The following SYT16 variants were observed in gnomAD, a reference collection of about 807,000 sequenced individuals.
SYT16 encodes the protein synaptotagmin 16, also known as synaptotagmin-16.
Under a neutral mutation model 61.4 loss-of-function variants are expected in SYT16, and 42 were observed. The observed-to-expected ratio is 0.68, with a 90% CI of 0.53 to 0.89. The LOEUF (loss-of-function observed/expected upper bound fraction) is 0.89. Among genes scored for constraint, SYT16 ranks in the 40% least tolerant of loss-of-function variants. The pLI, the probability that SYT16 is intolerant of heterozygous loss-of-function variation, is 0.00. For missense variants in SYT16, 804 were observed against 807.3 expected, an observed-to-expected ratio of 1.00 and a Z score of 0.05; for synonymous variants, 314 against 302.3, an observed-to-expected ratio of 1.04 and a Z score of -0.40.
chr14:62,100,305 G>A (rs2057387884), intron 7 of SYT16, 89 bp from the exon 8 acceptor site: 1 of 1,153,830 alleles, frequency 8.7e-7, no homozygotes, highest in East Asian at 2.6e-5. Flanking sequence ...GAAATTTGTA[G>A]CCCATATAAA....
intron 1 of SYT16, among the ~76,000 whole-genome samples, chr14:61,967,876 T>C (rs905826652): frequency 1.3e-5 from 2 of 152,070 alleles, no homozygotes; most frequent in African/African-American, 4.8e-5. Context: ...TTCTGGCTAT[T>C]GTGTGGAGAA....
intron 7 of SYT16, among the ~76,000 whole-genome samples, chr14:62,092,225 C>T (rs76543890): frequency 0.24 from 33,362 of 140,662 alleles, 3,841 homozygotes; most frequent in Middle Eastern, 0.29. Flanking sequence ...CACACACACA[C>T]ACTAACAAGT....
intron 1 of SYT16, among the ~76,000 whole-genome samples, chr14:61,895,937 C>T (rs947463580): frequency 6.6e-6 from 1 of 152,194 alleles, no homozygotes; most frequent in African/African-American, 2.4e-5. Context: ...GTTTTATCTC[C>T]AGCCTGGCAG....
intron 4 of SYT16, among the ~76,000 whole-genome samples, chr14:62,074,513 G>A (rs1035262281): frequency 7.2e-5 from 11 of 152,192 alleles, no homozygotes; most frequent in African/African-American, 2.7e-4. Flanking sequence ...CTTGCTGGCT[G>A]CCAGGTGAAT....
intron 2 of SYT16, among the ~76,000 whole-genome samples, chr14:61,979,333 T>C (rs1447409933): frequency 1.3e-5 from 2 of 152,200 alleles, no homozygotes; most frequent in Admixed American, 1.3e-4. Flanking sequence ...GAATTAAATA[T>C]AGGCAGAGAA....
In SYT16 at chr14:62,104,592, A is replaced by G. The variant is rs2057481300; in HGVS notation, c.*3885A>G. ...GGAGAGTAAACTAATAAACCAAAAT[A>G]CATATCAGATCAACTAGCTATCACT... On this transcript the variant is annotated 3_prime_UTR_variant, in exon 8 of 8. Coordinates refer to ENST00000683842, the MANE Select transcript of SYT16 (RefSeq NM_001367656.1). 6.6e-6 allele frequency: 1 copy of G among 152,222 alleles called. No homozygotes were observed. Among genetic ancestry groups the G allele is most frequent in the Non-Finnish European group, 1.5e-5 (1 of 68,034 alleles). The allele number at this position is 152,222 out of a possible 1,614,324, so 9.4% of individuals were successfully genotyped here. A position where few individuals can be genotyped will look rare whatever the true frequency, so the allele number is the denominator to read the frequency against.
chr14:61,946,057 CAG>C (rs2050422619), intron 1 of SYT16, among the ~76,000 whole-genome samples: 2 of 151,838 alleles, frequency 1.3e-5, no homozygotes, highest in South Asian at 2.1e-4. Flanking sequence ...CAGGGCCTGT[CAG>C]GGGATGAGGG....
intron 3 of SYT16, among the ~76,000 whole-genome samples, chr14:62,050,830 G>A (rs1267851795): frequency 6.6e-6 from 1 of 152,102 alleles, no homozygotes; most frequent in African/African-American, 2.4e-5. Flanking sequence ...CATTCCTCTG[G>A]AAGTTTTGTC....
chr14:62,046,985 G>T lies in SYT16; in HGVS notation c.524-22618G>T, dbSNP rs182329070. Among the ~76,000 whole-genome samples, 122 of 152,260 alleles carry T rather than the reference G, an allele frequency of 8.0e-4. 2 individuals are homozygous for T. In the South Asian group the frequency reaches 0.015, roughly 19 times the overall value. ...CTTTCAAATAGTTTTTTCCAATTCT[G>T]TGAAGAAAGTCATTGGTAGCTTGAT... is the stretch of plus-strand genomic sequence containing the variant. On this transcript the variant is annotated intron_variant, in intron 3 of 7. Transcript: ENST00000683842.
At chr14:61,843,221 C>T (rs1174605618) in intron 1 of SYT16, among the ~76,000 whole-genome samples, 1 of 152,174 alleles carries the variant, frequency 6.6e-6, no homozygotes, top group East Asian at 1.9e-4. Context: ...CTTTGCTCCA[C>T]ATCCTTGCCA....
chr14:61,878,344 A>C (rs550184881), intron 1 of SYT16, among the ~76,000 whole-genome samples: 1 of 152,216 alleles, frequency 6.6e-6, no homozygotes, highest in Non-Finnish European at 1.5e-5. Flanking sequence ...ATTTGTGGGA[A>C]TACCAGGTTG....
At chr14:62,061,174 T>A (rs1038366826) in intron 3 of SYT16, among the ~76,000 whole-genome samples, 2 of 152,086 alleles carry the variant, frequency 1.3e-5, no homozygotes, top group African/African-American at 4.8e-5. Context: ...GATATAACAC[T>A]GGCTTAAAAT....
At chr14:61,926,255 A>AG (rs148572062) in intron 1 of SYT16, among the ~76,000 whole-genome samples, 1 of 22,474 alleles carries the variant, frequency 4.4e-5, no homozygotes, top group Non-Finnish European at 7.4e-5. Context: ...GCAAAGAGTC[A>AG]AAGAGTATGT....
chr14:61,862,864 CATACAGG>C (rs2047007830), intron 1 of SYT16, among the ~76,000 whole-genome samples: 1 of 152,202 alleles, frequency 6.6e-6, no homozygotes, highest in Non-Finnish European at 1.5e-5. Flanking sequence ...TGGTTGGAAT[CATACAGG>C]ATATAACCTT....
intron 3 of SYT16, among the ~76,000 whole-genome samples, chr14:62,058,536 G>A (rs1309708706): frequency 6.6e-6 from 1 of 151,640 alleles, no homozygotes; most frequent in African/African-American, 2.4e-5. Flanking sequence ...GCTAATTTTT[G>A]TATTTTTTAG....
intron 3 of SYT16, among the ~76,000 whole-genome samples, chr14:62,057,261 ACACT>A (rs1388376146): frequency 2.0e-5 from 3 of 152,214 alleles, no homozygotes; most frequent in Admixed American, 6.5e-5. Flanking sequence ...AATCAAGTTG[ACACT>A]CAATATTAAC....
intron 3 of SYT16, among the ~76,000 whole-genome samples, chr14:62,041,955 A>G (rs990473792): frequency 6.6e-6 from 1 of 152,074 alleles, no homozygotes; most frequent in Non-Finnish European, 1.5e-5. Context: ...TACTGTGTTT[A>G]ATTTTCATCT....
intron 1 of SYT16, among the ~76,000 whole-genome samples, chr14:61,872,351 T>G (rs911958103): frequency 6.6e-6 from 1 of 152,208 alleles, no homozygotes; most frequent in Non-Finnish European, 1.5e-5. Context: ...TCAATCCTCT[T>G]AAATATTTAT....
chr14:62,053,352 C>A (rs1452393768), intron 3 of SYT16, among the ~76,000 whole-genome samples: 3 of 152,194 alleles, frequency 2.0e-5, no homozygotes, highest in Non-Finnish European at 4.4e-5. Flanking sequence ...TCTTAAGTAT[C>A]TGGACTCTGA....
Sources: allele counts gnomAD v4.1 joint callset (sites outside exome capture counted in the v4.1 genomes callset), GRCh38; gene constraint gnomAD v4.1.1; transcripts MANE v1.5; gene names NCBI Gene and HGNC (gene_info 2026-07-23, HGNC 2026-07-21).